SNRK: variants seen among roughly 807,000 people sequenced by gnomAD.
SNRK encodes the protein SNF-related serine/threonine-protein kinase.
SNRK carries 3 observed loss-of-function variants against 48.2 expected under a neutral mutation model. The observed-to-expected ratio is 0.06, with a 90% CI of 0.03 to 0.16. The LOEUF is 0.16. Ranked by LOEUF, SNRK falls within the 10% of genes least tolerant of loss-of-function variation. The pLI, the probability that SNRK is intolerant of heterozygous loss-of-function variation, is 1.00. For missense variants in SNRK, 627 were observed against 976.0 expected (o/e 0.64, Z 4.76); for synonymous variants, 376 against 366.1 (o/e 1.03, Z -0.31).
chr3:43,294,790 A>G (rs1039664476), intron 1 of SNRK, among the ~76,000 whole-genome samples: 5 of 152,012 alleles, frequency 3.3e-5, no homozygotes, highest in Non-Finnish European at 7.4e-5. Flanking sequence ...TTTTATCAAA[A>G]TATTAGGAGG....
At chr3:43,313,164 A>G (rs2090991011) in intron 3 of SNRK, among the ~76,000 whole-genome samples, 1 of 152,184 alleles carries the variant, frequency 6.6e-6, no homozygotes, top group African/African-American at 2.4e-5. Context: ...ACAGTTTCTT[A>G]TAAAAGTAAA....
intron 3 of SNRK, among the ~76,000 whole-genome samples, chr3:43,315,793 G>A (rs890493391): frequency 1.3e-4 from 20 of 152,122 alleles, no homozygotes; most frequent in African/African-American, 4.1e-4. Context: ...GTCAAGAAAC[G>A]AACAACGTAT....
chr3:43,315,799 C>T (rs752640999), intron 3 of SNRK, among the ~76,000 whole-genome samples: 3 of 152,276 alleles, frequency 2.0e-5, no homozygotes, highest in East Asian at 3.9e-4. Context: ...AAACGAACAA[C>T]GTATCCATAG....
chr3:43,295,545 A>G (rs1002662233), intron 1 of SNRK, among the ~76,000 whole-genome samples: 2 of 152,234 alleles, frequency 1.3e-5, no homozygotes, highest in African/African-American at 4.8e-5. Flanking sequence ...TGTAGATCCC[A>G]TCTTGATTCC....
chr3:43,337,044 G>A (rs151113426), intron 4 of SNRK, among the ~76,000 whole-genome samples: 5 of 152,054 alleles, frequency 3.3e-5, no homozygotes, highest in Admixed American at 1.3e-4. Flanking sequence ...GAGCCACCGC[G>A]CCTGGCCAAA....
At chr3:43,343,108 C>A in intron 5 of SNRK, 1 of 425,324 alleles carries the variant, frequency 2.4e-6, no homozygotes. Flanking sequence ...TTGGATTTTT[C>A]TCTCATTTAC....
chr3:43,345,675 C>A (rs2091269952), intron 6 of SNRK, among the ~76,000 whole-genome samples: 1 of 152,134 alleles, frequency 6.6e-6, no homozygotes, highest in South Asian at 2.1e-4. Flanking sequence ...AGAATGAAGT[C>A]CCAGATGCCA....
At chr3:43,298,528 T>C (rs1295150872) in intron 1 of SNRK, among the ~76,000 whole-genome samples, 4 of 152,182 alleles carry the variant, frequency 2.6e-5, no homozygotes, top group African/African-American at 4.8e-5. Context: ...GACACTTGCT[T>C]TCATATCCAG....
intron 3 of SNRK, among the ~76,000 whole-genome samples, chr3:43,313,806 AC>A (rs1161868868): frequency 6.7e-6 from 1 of 149,732 alleles, no homozygotes; most frequent in Non-Finnish European, 1.5e-5. Flanking sequence ...CATGAAACTT[AC>A]CTTTCCATTT....
At chr3:43,321,599 A>G (rs962888799) in intron 3 of SNRK, among the ~76,000 whole-genome samples, 6 of 152,008 alleles carry the variant, frequency 3.9e-5, no homozygotes, top group African/African-American at 1.4e-4. Flanking sequence ...TCGTATTTCC[A>G]GCTGTCAGCT....
intron 3 of SNRK, among the ~76,000 whole-genome samples, chr3:43,310,802 T>TTC (rs1025174051): frequency 6.6e-6 from 1 of 152,240 alleles, no homozygotes; most frequent in Non-Finnish European, 1.5e-5. Flanking sequence ...ATTTCATTGA[T>TTC]TCGGTGGAGC....
At chr3:43,315,467 A>G (rs2091007241) in intron 3 of SNRK, among the ~76,000 whole-genome samples, 1 of 152,174 alleles carries the variant, frequency 6.6e-6, no homozygotes, top group South Asian at 2.1e-4. Context: ...CTCTTCCCAG[A>G]GGCAGAATTT....
intron 1 of SNRK, among the ~76,000 whole-genome samples, chr3:43,296,425 T>TACATAC (rs1244518450): frequency 0.037 from 5,427 of 145,828 alleles, 264 homozygotes; most frequent in African/African-American, 0.11. Flanking sequence ...CATATATATA[T>TACATAC]ATATATATGT....
chr3:43,341,421 G>A (rs2091237093), intron 5 of SNRK, among the ~76,000 whole-genome samples: 1 of 152,172 alleles, frequency 6.6e-6, no homozygotes, highest in Non-Finnish European at 1.5e-5. Flanking sequence ...AAAGTGCTGG[G>A]ATTACAGGTG....
At chr3:43,321,219 C>T (rs1042173315) in intron 3 of SNRK, among the ~76,000 whole-genome samples, 3 of 152,136 alleles carry the variant, frequency 2.0e-5, no homozygotes, top group African/African-American at 7.2e-5. Flanking sequence ...TGAGTGTCCC[C>T]TGACTTTGTA....
intron 3 of SNRK, among the ~76,000 whole-genome samples, chr3:43,307,201 A>G (rs533214958): frequency 3.3e-5 from 5 of 152,322 alleles, no homozygotes; most frequent in African/African-American, 1.2e-4. Context: ...ATAATTGACA[A>G]TAAAGATATT....
intron 1 of SNRK, among the ~76,000 whole-genome samples, chr3:43,296,401 G>A (rs2125614832): frequency 1.0e-5 from 1 of 96,902 alleles, no homozygotes; most frequent in Admixed American, 1.1e-4. Context: ...GTTTGTATTA[G>A]ATGGATATAC....
chr3:43,333,033 T>C (rs1238611832), intron 4 of SNRK: 2 of 152,144 alleles, frequency 1.3e-5, no homozygotes, highest in Non-Finnish European at 2.9e-5. Flanking sequence ...GTTTTGAGTT[T>C]CTCCTATCAG....
intron 1 of SNRK, among the ~76,000 whole-genome samples, chr3:43,298,382 C>T (rs915297758): frequency 5.9e-5 from 9 of 152,256 alleles, no homozygotes; most frequent in East Asian, 3.9e-4. Context: ...GCTACTATAT[C>T]CCTCTTGGAG....
Sources: allele counts gnomAD v4.1 joint callset (sites outside exome capture counted in the v4.1 genomes callset), GRCh38; gene constraint gnomAD v4.1.1; transcripts MANE v1.5; gene names NCBI Gene and HGNC (gene_info 2026-07-23, HGNC 2026-07-21).